CD96: variants seen among roughly 807,000 people sequenced by gnomAD.
CD96 encodes CD96 molecule, also known as T-cell surface protein tactile.
In CD96, 70 loss-of-function variants were observed where a neutral mutation model predicts 71.3. That is an observed-to-expected ratio of 0.98 (90% CI 0.81 to 1.20). The LOEUF is 1.20. CD96 is among the 50% of genes most tolerant of loss of function. The pLI, the probability that CD96 is intolerant of heterozygous loss-of-function variation, is 0.00. For synonymous variants in CD96, 248 were observed against 233.0 expected (o/e 1.06, Z -0.59); for missense variants, 742 against 677.5 (o/e 1.10, Z -1.06).
Position 111,579,144 on chromosome 3 carries a change from C to T in CD96, c.661C>T (p.Gln221Ter), listed in dbSNP as rs1380023246. Reference protein sequence around the residue: ...TDYRLHLSPVQIFDDGRKFSC... With the variant: ...TDYRLHLSPV ...CTACAGACTCCACCTCTCTCCAGTC[C>T]AAATCTTCGATGATGGGCGGAAGTT... Residue 221 changes from glutamine (Q) to a stop codon, truncating the protein, a stop_gained, in exon 4 of 14, where the codon CAA (glutamine) becomes TAA (stop). Transcript: ENST00000352690. LOFTEE classifies it high-confidence loss of function. 2 of 1,605,884 alleles carry T rather than the reference C, an allele frequency of 1.2e-6. No individual in the cohort carries two copies. The highest frequency in any genetic ancestry group is 1.1e-5 in the South Asian group (1 of 90,910).
intron 7 of CD96, among the ~76,000 whole-genome samples, chr3:111,604,532 T>G (rs1475801597): frequency 6.6e-6 from 1 of 152,178 alleles, no homozygotes; most frequent in Non-Finnish European, 1.5e-5. Context: ...AAGCTATGTT[T>G]CCCCTCTGTC....
intron 12 of CD96, among the ~76,000 whole-genome samples, chr3:111,638,794 T>C (rs577603103): frequency 3.9e-4 from 60 of 152,308 alleles, no homozygotes; most frequent in Middle Eastern, 3.4e-3. Flanking sequence ...CTTCTGATCA[T>C]TGGAGCATCA....
At chr3:111,594,200 A>T in intron 5 of CD96, 1 of 1,589,028 alleles carries the variant, frequency 6.3e-7, no homozygotes, top group Non-Finnish European at 8.6e-7. Flanking sequence ...CCGCCTCATC[A>T]TGTCACCTCT....
At chr3:111,663,752 C>CTTTTTT (rs57510798) in intron 14 of CD96, among the ~76,000 whole-genome samples, 1 of 143,064 alleles carries the variant, frequency 7.0e-6, no homozygotes. Context: ...TGCTTATACA[C>CTTTTTT]TTTTTTTTTT....
At chr3:111,611,395 G>A (rs1192568572) in intron 8 of CD96, among the ~76,000 whole-genome samples, 1 of 152,220 alleles carries the variant, frequency 6.6e-6, no homozygotes, top group East Asian at 1.9e-4. Context: ...CAGAAGACAT[G>A]TCATTAGATG....
At chr3:111,553,434 CTTTT>C (rs34837219) in intron 2 of CD96, among the ~76,000 whole-genome samples, 2 of 115,184 alleles carry the variant, frequency 1.7e-5, no homozygotes, top group Admixed American at 9.4e-5. Flanking sequence ...TTTCTTTTTT[CTTTT>C]TTTTTTTTTT....
intron 14 of CD96, among the ~76,000 whole-genome samples, chr3:111,659,538 T>C (rs1234257082): frequency 6.6e-6 from 1 of 152,216 alleles, no homozygotes; most frequent in African/African-American, 2.4e-5. Flanking sequence ...ATCCCAGAGA[T>C]TTTGGTAACT....
chr3:111,660,214 A>T lies in CD96; in HGVS notation c.*53-5313A>T, dbSNP rs1364361838. 2.0e-5 allele frequency among the ~76,000 whole-genome samples: 3 copies of T among 152,212 alleles called. No individual in the cohort carries two copies. The East Asian group carries it at 5.8e-4, about 29-fold the overall frequency. ...GTATAAATCAGTAGCATTTCTATGC[A>T]CCAGAAACATCCAGGCTGCGAGTGA... On this transcript the variant is annotated intron_variant and NMD_transcript_variant, in intron 14 of 14. Coordinates refer to the CD96 transcript ENST00000494798.
At chr3:111,637,511 T>C (rs1192184824) in intron 11 of CD96, among the ~76,000 whole-genome samples, 1 of 152,268 alleles carries the variant, frequency 6.6e-6, no homozygotes, top group East Asian at 1.9e-4. Flanking sequence ...TTACTAGTTA[T>C]ATCTATGAAA....
In CD96 at chr3:111,545,200, T is replaced by C. The variant is rs768190735; in HGVS notation, c.216T>C (p.His72=). The change falls in exon 2 of 14, where the codon CAT becomes CAC. Residue 72 remains histidine, a synonymous_variant. Coordinates refer to ENST00000352690, the MANE Select transcript of CD96 (RefSeq NM_005816.5). The part of the protein sequence containing the change: ...TNKIDLIAVY[H]PQYGFYCAYG... ...AGATAGACCTGATTGCTGTCTATCA[T>C]CCCCAATACGGCTTCTACTGTGCCT... 2 of 1,614,200 alleles carry C rather than the reference T, an allele frequency of 1.2e-6. No homozygotes were observed. The highest frequency in any genetic ancestry group is 1.1e-5 in the South Asian group (1 of 91,084).
chr3:111,549,859 T>C (rs1934607569), intron 2 of CD96, among the ~76,000 whole-genome samples: 1 of 152,178 alleles, frequency 6.6e-6, no homozygotes, highest in Non-Finnish European at 1.5e-5. Context: ...AGTTGTGACA[T>C]ACAGAAGACG....
intron 5 of CD96, chr3:111,593,737 T>G: frequency 6.2e-7 from 1 of 1,614,242 alleles, no homozygotes; most frequent in Non-Finnish European, 8.5e-7. Context: ...CCTTTTCCCT[T>G]TGGCTGGCCC....
At chr3:111,604,853 A>G (rs1312734582) in intron 7 of CD96, among the ~76,000 whole-genome samples, 1 of 152,122 alleles carries the variant, frequency 6.6e-6, no homozygotes, top group East Asian at 1.9e-4. Flanking sequence ...CCTTAGCACA[A>G]AAGCAACCAT....
intron 5 of CD96, among the ~76,000 whole-genome samples, chr3:111,591,428 A>C (rs1276408686): frequency 6.7e-6 from 1 of 149,860 alleles, no homozygotes; most frequent in African/African-American, 2.4e-5. Flanking sequence ...ACTGGTTGGC[A>C]TCAGCAGAGC....
intron 8 of CD96, among the ~76,000 whole-genome samples, chr3:111,615,114 C>A (rs1938163886): frequency 6.6e-6 from 1 of 152,202 alleles, no homozygotes; most frequent in Non-Finnish European, 1.5e-5. Flanking sequence ...ACCTTTGGAA[C>A]CTCATCTGAA....
intron 3 of CD96, among the ~76,000 whole-genome samples, chr3:111,575,576 C>T (rs1228274210): frequency 6.6e-6 from 1 of 152,222 alleles, no homozygotes; most frequent in East Asian, 1.9e-4. Context: ...GGCTTTATAA[C>T]TGTCTTAATC....
chr3:111,637,688 G>C (rs770711338), intron 11 of CD96, among the ~76,000 whole-genome samples: 6 of 152,072 alleles, frequency 3.9e-5, no homozygotes, highest in South Asian at 2.1e-4. Flanking sequence ...CAGGAACAGA[G>C]CCTCACTTAT....
At position 111,584,653 on chromosome 3, in the gene CD96, C is replaced by T. The variant is rs1164686805; in HGVS notation, c.752-670C>T. ...TGGGGAGAAGCAAAGGCGGGAATCC[C>T]TGATAGACCCACCAGATCTCATGAA... On this transcript the variant is annotated intron_variant, in intron 4 of 13. Coordinates refer to ENST00000352690, the MANE Select transcript of CD96 (RefSeq NM_005816.5). Among the ~76,000 whole-genome samples the T allele has an allele frequency of 3.3e-5, 5 of 152,158 alleles. No individual in the cohort carries two copies. The East Asian group carries it at 5.8e-4, about 18-fold the overall frequency.
chr3:111,545,153 C>T lies in CD96; in HGVS notation c.169C>T (p.Gln57Ter). The T allele has an allele frequency of 6.2e-7, 1 of 1,614,180 alleles. No homozygotes were observed. The highest frequency in any genetic ancestry group is 8.5e-7 in the Non-Finnish European group (1 of 1,180,010). The change falls in exon 2 of 14, where the codon CAA becomes TAA. Residue 57 changes from glutamine (Q) to a stop codon, truncating the protein, a stop_gained. Transcript: ENST00000352690. LOFTEE classifies it high-confidence loss of function. ...GACAGTAGGCTTCTTCGTGCAGATG[C>T]AATGGTCCAAGGTCACCAATAAGAT... ...TQTVGFFVQMQWSKVTNKIDL... is the reference protein window; with the variant it reads ...TQTVGFFVQM
Sources: allele counts gnomAD v4.1 joint callset (sites outside exome capture counted in the v4.1 genomes callset), GRCh38; gene constraint gnomAD v4.1.1; transcripts MANE v1.5; gene names NCBI Gene and HGNC (gene_info 2026-07-23, HGNC 2026-07-21).